Variants in HUNK observed in about 807,000 individuals in gnomAD.
The protein encoded by HUNK is hormonally up-regulated neu tumor-associated kinase.
A neutral mutation model predicts 61.0 loss-of-function variants in HUNK; 21 were observed. The observed-to-expected ratio is 0.34, with a 90% CI of 0.24 to 0.50. The LOEUF (loss-of-function observed/expected upper bound fraction) is 0.50, where lower values mean the gene tolerates loss of function less well. Among genes scored for constraint, HUNK ranks in the 20% least tolerant of loss-of-function variants. HUNK has a pLI of 0.98. For synonymous variants in HUNK, 371 were observed against 386.1 expected (o/e 0.96, Z 0.46); for missense variants, 772 against 945.7 (o/e 0.82, Z 2.41).
At chr21:31,917,695 TACACAC>T (rs3056146) in intron 1 of HUNK, among the ~76,000 whole-genome samples, 7,280 of 94,800 alleles carry the variant, frequency 0.077, 174 homozygotes, top group Middle Eastern at 0.12. Context: ...TTCCCAAACA[TACACAC>T]ACACACACAC....
chr21:31,973,762 G>A (rs2053029603), intron 6 of HUNK, among the ~76,000 whole-genome samples: 1 of 152,084 alleles, frequency 6.6e-6, no homozygotes, highest in African/African-American at 2.4e-5. Flanking sequence ...TAAAGTTGGG[G>A]TCATGATAGT....
At chr21:31,985,158 T>C (rs149698430) in intron 8 of HUNK, among the ~76,000 whole-genome samples, 86 of 152,310 alleles carry the variant, frequency 5.6e-4, no homozygotes, top group African/African-American at 2.0e-3. Context: ...AGGGGAGATT[T>C]GGGTGGGGAC....
chr21:31,968,560 A>C (rs940686106), intron 6 of HUNK, among the ~76,000 whole-genome samples, 175 bp downstream of exon 6: 1 of 152,148 alleles, frequency 6.6e-6, no homozygotes, highest in African/African-American at 2.4e-5. Flanking sequence ...AAGCGTAGAC[A>C]GGGCCACCAT....
At position 31,998,770 on chromosome 21, in the gene HUNK, T is replaced by A; in HGVS notation, c.1731T>A (p.Ser577=). The A allele has an allele frequency of 6.2e-7, 1 of 1,614,168 alleles. No individual in the cohort carries two copies. Among genetic ancestry groups the A allele is most frequent in the East Asian group, 2.2e-5 (1 of 44,860 alleles). The change falls in exon 11 of 11, where the codon TCT becomes TCA. Residue 577 remains serine (S), a synonymous_variant. Coordinates refer to ENST00000270112, the MANE Select transcript of HUNK (RefSeq NM_014586.2). The stretch of plus-strand genomic sequence containing the variant: ...ACCACGTAGAAGTGCTGTCTCCCTC[T>A]CATCACTACAGGATTCTGAACTCCC... The part of the protein sequence containing the change: ...RDDHVEVLSP[S]HHYRILNSPV...
chr21:31,945,879 T>C (rs373939709), intron 3 of HUNK, among the ~76,000 whole-genome samples, 157 bp from the exon 4 acceptor site: 28 of 152,328 alleles, frequency 1.8e-4, no homozygotes, highest in African/African-American at 5.1e-4. Context: ...ACGTTATGGT[T>C]TGCAGCTGCT....
intron 4 of HUNK, among the ~76,000 whole-genome samples, chr21:31,948,995 G>C (rs543607358): frequency 6.6e-6 from 1 of 152,348 alleles, no homozygotes; most frequent in East Asian, 1.9e-4. Flanking sequence ...GAGCGGGCTG[G>C]GTGCCCTGGT....
intron 1 of HUNK, among the ~76,000 whole-genome samples, chr21:31,882,134 A>G (rs1432459848): frequency 4.6e-5 from 7 of 152,000 alleles, no homozygotes; most frequent in Admixed American, 4.6e-4. Context: ...TGGATTTTTG[A>G]TGAGTAGAGT....
intron 1 of HUNK, among the ~76,000 whole-genome samples, chr21:31,911,343 A>G (rs1303025613): frequency 6.6e-6 from 1 of 152,168 alleles, no homozygotes; most frequent in East Asian, 1.9e-4. Flanking sequence ...TGTGAGCTCC[A>G]GATGATGTGG....
At chr21:31,917,579 A>C (rs1286950717) in intron 1 of HUNK, among the ~76,000 whole-genome samples, 3 of 152,066 alleles carry the variant, frequency 2.0e-5, no homozygotes, top group Non-Finnish European at 4.4e-5. Context: ...AAAGGCTTGC[A>C]ACTTGGATCT....
chr21:31,980,047 T>G (rs1000110478), intron 7 of HUNK, among the ~76,000 whole-genome samples: 1 of 152,000 alleles, frequency 6.6e-6, no homozygotes, highest in African/African-American at 2.4e-5. Flanking sequence ...CTAGTAGATT[T>G]ATAGTTTTGG....
intron 2 of HUNK, among the ~76,000 whole-genome samples, chr21:31,928,509 C>G (rs567991088): frequency 6.6e-6 from 1 of 152,194 alleles, no homozygotes; most frequent in African/African-American, 2.4e-5. Context: ...ACTTTTGCCT[C>G]TCTCTCCTCA....
At chr21:31,962,188 A>T (rs1323835514) in intron 5 of HUNK, among the ~76,000 whole-genome samples, 2 of 152,248 alleles carry the variant, frequency 1.3e-5, no homozygotes, top group Admixed American at 1.3e-4. Flanking sequence ...GGCTTCACCC[A>T]ACTAAAGAGA....
chr21:31,901,623 G>GCTCACCTGTTCTGTTT (rs1255720437), intron 1 of HUNK, among the ~76,000 whole-genome samples: 2 of 152,164 alleles, frequency 1.3e-5, no homozygotes, highest in African/African-American at 2.4e-5. Flanking sequence ...TAAACTTGTA[G>GCTCACCTGTTCTGTTT]CTCACCTGTT....
chr21:31,887,813 G>T (rs1258580969), intron 1 of HUNK, among the ~76,000 whole-genome samples: 1 of 152,178 alleles, frequency 6.6e-6, no homozygotes. Flanking sequence ...ATGAAGTTTG[G>T]ATTCTTAGCG....
At chr21:31,958,147 T>C (rs909860499) in intron 4 of HUNK, among the ~76,000 whole-genome samples, 12 of 152,072 alleles carry the variant, frequency 7.9e-5, no homozygotes, top group Admixed American at 4.6e-4. Flanking sequence ...TGTTGTTGAC[T>C]TCTTCCTGCC....
intron 1 of HUNK, among the ~76,000 whole-genome samples, chr21:31,882,615 C>T (rs1300568356): frequency 6.6e-6 from 1 of 152,142 alleles, no homozygotes; most frequent in Non-Finnish European, 1.5e-5. Context: ...AATGATCAAG[C>T]CAGAGTATCG....
At chr21:31,996,071 G>T in intron 10 of HUNK, 123 bp downstream of exon 10, 1 of 777,524 alleles carries the variant, frequency 1.3e-6, no homozygotes. Flanking sequence ...CCACAGAAAA[G>T]CAGGATTAAT....
At chr21:31,960,396 A>G (rs1301699213) in intron 5 of HUNK, among the ~76,000 whole-genome samples, 1 of 151,316 alleles carries the variant, frequency 6.6e-6, no homozygotes, top group Non-Finnish European at 1.5e-5. Context: ...TTTTTTTTTA[A>G]CAAATAAGAT....
chr21:31,915,795 C>T (rs1349742663), intron 1 of HUNK, among the ~76,000 whole-genome samples: 1 of 152,158 alleles, frequency 6.6e-6, no homozygotes, highest in African/African-American at 2.4e-5. Flanking sequence ...TAGGAAGTCA[C>T]TGCCTTGGGA....
Sources: allele counts gnomAD v4.1 joint callset (sites outside exome capture counted in the v4.1 genomes callset), GRCh38; gene constraint gnomAD v4.1.1; transcripts MANE v1.5; gene names NCBI Gene and HGNC (gene_info 2026-07-23, HGNC 2026-07-21).